The following RIPOR2 variants were observed in gnomAD, a reference collection of about 807,000 sequenced individuals.
RIPOR2 encodes the protein RHO family interacting cell polarization regulator 2, also known as rho family-interacting cell polarization regulator 2.
Under a neutral mutation model 114.5 loss-of-function variants are expected in RIPOR2, and 39 were observed. That is an observed-to-expected ratio of 0.34 (90% CI 0.26 to 0.44). RIPOR2 has a LOEUF of 0.44. RIPOR2 is among the 20% of genes least tolerant of loss of function. The probability of loss-of-function intolerance (pLI) is 1.00; values close to 1 mark genes in which losing one functional copy is unlikely to be tolerated. For synonymous variants in RIPOR2, 445 were observed against 484.4 expected (o/e 0.92, Z 1.07); for missense variants, 1,007 against 1,255.1 (o/e 0.80, Z 2.99).
At position 24,997,063 on chromosome 6, in the gene RIPOR2, C is replaced by T. The variant is rs375581147; in HGVS notation, c.76+44788G>A. 7.2e-5 allele frequency among the ~76,000 whole-genome samples: 11 copies of T among 152,342 alleles called. No homozygotes were observed. In the East Asian group the frequency reaches 1.3e-3, roughly 19 times the overall value. On this transcript the variant is annotated intron_variant, in intron 1 of 13. Transcript: ENST00000510784. ...GTTTCAAATGTGAATTACTAACTAG[C>T]GAGGATGGAGTCCAATGATTTTCAA...
Position 24,843,134 on chromosome 6 carries a change from C to G in RIPOR2, c.1585G>C (p.Glu529Gln), listed in dbSNP as rs760049200. 1 of 1,613,970 alleles carries G rather than the reference C, an allele frequency of 6.2e-7. No individual in the cohort carries two copies. The highest frequency in any genetic ancestry group is 8.5e-7 in the Non-Finnish European group (1 of 1,179,862). Residue 529 changes from glutamate to glutamine, a missense_variant, in exon 13 of 22, where the codon GAG (glutamate) becomes CAG (glutamine). By Grantham distance (29) the Glu-to-Gln change is conservative. Transcript: ENST00000643898. ...ALLQESEEAS[E>Q]LKPVELDTSE... ...GTGTCCAGTTCCACAGGCTTGAGCT[C>G]AGAGGCCTCCTCAGACTCTTGCAGA...
chr6:24,919,945 G>A (rs1465029128), intron 1 of RIPOR2, among the ~76,000 whole-genome samples: 1 of 152,166 alleles, frequency 6.6e-6, no homozygotes, highest in African/African-American at 2.4e-5. Context: ...TTCGGTGTTT[G>A]GAGAGTTATT....
At chr6:24,844,565 A>G (rs138050270) in intron 12 of RIPOR2, among the ~76,000 whole-genome samples, 3,272 of 151,208 alleles carry the variant, frequency 0.022, 122 homozygotes, top group African/African-American at 0.072. Flanking sequence ...CGGCCTCCTG[A>G]GTTCAAGTGA....
At position 24,861,052 on chromosome 6, in the gene RIPOR2, G is replaced by A; in HGVS notation, c.652-16C>T. ...TGCACATATTCTGCAAAGAGGACAG[G>A]AGACGATCATGAGAGCTAGCCTTTC... is the stretch of plus-strand genomic sequence containing the variant. On this transcript the variant is annotated splice_polypyrimidine_tract_variant and intron_variant, in intron 7 of 21. Transcript: ENST00000643898. The A allele has an allele frequency of 6.3e-7, 1 of 1,596,942 alleles. No homozygotes were observed. The highest frequency in any genetic ancestry group is 2.2e-5 in the East Asian group (1 of 44,684).
chr6:24,941,105 T>C (rs1179107027), intron 1 of RIPOR2, among the ~76,000 whole-genome samples: 1 of 152,100 alleles, frequency 6.6e-6, no homozygotes, highest in Admixed American at 6.5e-5. Flanking sequence ...TTCAGGCGCA[T>C]CATTAGGCTG....
chr6:24,961,253 C>T (rs1358742573), intron 1 of RIPOR2, among the ~76,000 whole-genome samples: 1 of 152,160 alleles, frequency 6.6e-6, no homozygotes, highest in Non-Finnish European at 1.5e-5. Flanking sequence ...CACTGTGGAA[C>T]AGTTTGAACT....
intron 8 of RIPOR2, among the ~76,000 whole-genome samples, chr6:24,854,830 C>A (rs1581608253): frequency 1.3e-5 from 2 of 152,034 alleles, no homozygotes; most frequent in East Asian, 3.9e-4. Context: ...GAGTTCCAGG[C>A]CATCCTGGCC....
At chr6:24,958,958 C>CTTTCTTTTTTTTTTTT (rs139147901) in intron 1 of RIPOR2, among the ~76,000 whole-genome samples, 1 of 123,216 alleles carries the variant, frequency 8.1e-6, no homozygotes, top group Admixed American at 8.3e-5. Context: ...TCTACATTTT[C>CTTTCTTTTTTTTTTTT]TTTTTTTTTT....
chr6:24,956,236 C>G (rs1773038311), intron 1 of RIPOR2, among the ~76,000 whole-genome samples: 1 of 152,148 alleles, frequency 6.6e-6, no homozygotes, highest in African/African-American at 2.4e-5. Flanking sequence ...TGAAATTATT[C>G]CGCACATGCT....
chr6:24,931,763 C>A (rs1369990002), intron 1 of RIPOR2: 1 of 152,174 alleles, frequency 6.6e-6, no homozygotes, highest in Non-Finnish European at 1.5e-5. Flanking sequence ...TTATTCTAAT[C>A]ATTGCACCTG....
At chr6:24,919,059 G>A (rs1456451369) in intron 1 of RIPOR2, among the ~76,000 whole-genome samples, 2 of 152,170 alleles carry the variant, frequency 1.3e-5, no homozygotes, top group African/African-American at 2.4e-5. Context: ...CTTTGCAGAG[G>A]TGAAAGTGGA....
At chr6:24,906,489 C>T (rs1051782349) in intron 1 of RIPOR2, among the ~76,000 whole-genome samples, 1 of 152,142 alleles carries the variant, frequency 6.6e-6, no homozygotes, top group Admixed American at 6.5e-5. Flanking sequence ...GATTGCAACA[C>T]CTCTGAGTGA....
At chr6:24,817,978 C>CTTTTTTTTTTTTCT (rs57294288) in intron 20 of RIPOR2, among the ~76,000 whole-genome samples, 1 of 118,366 alleles carries the variant, frequency 8.4e-6, no homozygotes, top group Non-Finnish European at 1.7e-5. Context: ...CTCTCTCTCT[C>CTTTTTTTTTTTTCT]TTTTTTTTTG....
At chr6:24,848,326 G>A (rs533718781) in intron 11 of RIPOR2, among the ~76,000 whole-genome samples, 172 bp from the exon 12 acceptor site, 2 of 152,308 alleles carry the variant, frequency 1.3e-5, no homozygotes, top group Non-Finnish European at 2.9e-5. Context: ...TAAAAGAAAA[G>A]TGGAGCAGAA....
intron 1 of RIPOR2, chr6:24,877,160 G>A (rs1581686828): frequency 1.0e-6 from 1 of 985,354 alleles, no homozygotes; most frequent in Non-Finnish European, 1.2e-6. Flanking sequence ...ACATCCAGAT[G>A]TAATGGAAAG....
At chr6:24,822,528 A>G (rs985525499) in intron 19 of RIPOR2, among the ~76,000 whole-genome samples, 1 of 151,778 alleles carries the variant, frequency 6.6e-6, no homozygotes, top group Admixed American at 6.6e-5. Flanking sequence ...TTATTTATTT[A>G]TTTTTTGAGA....
intron 17 of RIPOR2, among the ~76,000 whole-genome samples, chr6:24,829,812 T>G (rs150280799): frequency 3.2e-4 from 48 of 152,290 alleles, no homozygotes; most frequent in African/African-American, 1.2e-3. Flanking sequence ...TATTTAGGAA[T>G]GAATGTGCTG....
chr6:24,992,008 GC>G (rs370359390), intron 1 of RIPOR2, among the ~76,000 whole-genome samples: 2 of 152,170 alleles, frequency 1.3e-5, no homozygotes, highest in African/African-American at 4.8e-5. Flanking sequence ...TATTTTAAAA[GC>G]TTTGACTCTT....
At chr6:24,834,222 G>A (rs147349054) in intron 15 of RIPOR2, among the ~76,000 whole-genome samples, 283 of 152,230 alleles carry the variant, frequency 1.9e-3, no homozygotes, top group African/African-American at 6.2e-3. Context: ...AGTTATAATT[G>A]CCAACCAGTC....
Sources: gnomAD v4.1 joint callset for allele counts (sites outside exome capture counted in the v4.1 genomes callset) on GRCh38, gnomAD v4.1.1 for gene constraint, MANE v1.5 for transcripts, NCBI Gene and HGNC (gene_info 2026-07-23, HGNC 2026-07-21) for gene names.